The following NR5A2 variants were observed in gnomAD, a reference collection of about 807,000 sequenced individuals.
NR5A2 encodes CYP7A promoter-binding factor.
A neutral mutation model predicts 62.7 loss-of-function variants in NR5A2; 26 were observed. That is an observed-to-expected ratio of 0.41 (90% confidence interval 0.30 to 0.58). The LOEUF (loss-of-function observed/expected upper bound fraction) is 0.58, where lower values mean the gene tolerates loss of function less well. NR5A2 is among the 20% of genes least tolerant of loss of function. NR5A2 has a pLI of 0.22. For synonymous variants in NR5A2, 246 were observed against 241.7 expected, an observed-to-expected ratio of 1.02 and a Z score of -0.16; for missense variants, 541 against 669.1, an observed-to-expected ratio of 0.81 and a Z score of 2.11.
intron 5 of NR5A2, among the ~76,000 whole-genome samples, chr1:200,087,597 G>A (rs541736575): frequency 9.9e-5 from 15 of 151,362 alleles, no homozygotes; most frequent in Non-Finnish European, 1.6e-4. Flanking sequence ...GAGTTTCACC[G>A]TGTTAGCTAG....
chr1:200,100,961 G>C (rs1665338187), intron 5 of NR5A2, among the ~76,000 whole-genome samples: 1 of 152,056 alleles, frequency 6.6e-6, no homozygotes, highest in Admixed American at 6.6e-5. Flanking sequence ...CCTGATCCTT[G>C]GCTTTGACTT....
At position 200,057,805 on chromosome 1, in the gene NR5A2, T is replaced by A. The variant is rs576373777; in HGVS notation, c.1110+8987T>A. The stretch of plus-strand genomic sequence containing the variant: ...CGTAATTGTGCTTTTTTTTCCTTTT[T>A]TCTTTTTTTGAGATGGAGTTACACT... On this transcript the variant is annotated intron_variant, in intron 5 of 7. Coordinates refer to ENST00000367362, the MANE Select transcript of NR5A2 (RefSeq NM_205860.3). 4.9e-4 allele frequency: 88 copies of A among 179,234 alleles called. 1 individual carries two copies. Among genetic ancestry groups the A allele is most frequent in the Non-Finnish European group, 4.0e-4 (34 of 84,438 alleles). 11.1% of individuals were successfully genotyped at this position (179,234 alleles called of 1,614,324 possible).
At chr1:200,044,103 C>T (rs553343291) in intron 3 of NR5A2, 18 of 419,368 alleles carry the variant, frequency 4.3e-5, no homozygotes, top group African/African-American at 2.4e-4. Flanking sequence ...GAAAACTTTG[C>T]CAGTCTCATG....
At chr1:200,094,161 G>A (rs1270014267) in intron 5 of NR5A2, among the ~76,000 whole-genome samples, 3 of 149,196 alleles carry the variant, frequency 2.0e-5, no homozygotes, top group African/African-American at 7.4e-5. Context: ...AGAGTGAGAC[G>A]CTGTCTCAAA....
chr1:200,073,796 G>A (rs111708146), intron 5 of NR5A2, among the ~76,000 whole-genome samples: 1 of 152,060 alleles, frequency 6.6e-6, no homozygotes, highest in Admixed American at 6.6e-5. Context: ...AATATGCCAG[G>A]CACATTGCTA....
In NR5A2 at chr1:200,118,226, A is replaced by G. The variant is rs79342259; in HGVS notation, c.1231-2582A>G. The stretch of plus-strand genomic sequence containing the variant: ...CAGATGGGGTTTCACCATGTTGGCC[A>G]GGCTGGTCTTGAAGTCCCGACCTCA... On this transcript the variant is annotated intron_variant, in intron 6 of 7. Transcript: ENST00000367362. 0.02 allele frequency among the ~76,000 whole-genome samples: 3,016 copies of G among 151,766 alleles called. 179 individuals are homozygous for G. In the East Asian group the frequency reaches 0.24, roughly 12 times the overall value.
chr1:200,074,119 T>C (rs1442967423), intron 5 of NR5A2, among the ~76,000 whole-genome samples: 2 of 152,104 alleles, frequency 1.3e-5, no homozygotes, highest in Non-Finnish European at 2.9e-5. Context: ...AAAAGTATGC[T>C]AAAAAGCATA....
chr1:200,133,550 C>CACACATAT (rs1667071657), intron 7 of NR5A2, among the ~76,000 whole-genome samples: 1 of 45,728 alleles, frequency 2.2e-5, no homozygotes, highest in South Asian at 6.9e-4. Flanking sequence ...TATATATACA[C>CACACATAT]ATATATACAC....
At chr1:200,130,324 A>AAGAAGAAG (rs1558157085) in intron 7 of NR5A2, among the ~76,000 whole-genome samples, 1 of 145,014 alleles carries the variant, frequency 6.9e-6, no homozygotes, top group Non-Finnish European at 1.5e-5. Flanking sequence ...AGAAGAAGAA[A>AAGAAGAAG]AAAAAAATCC....
At chr1:200,052,854 A>G (rs562717875) in intron 5 of NR5A2, among the ~76,000 whole-genome samples, 5 of 152,176 alleles carry the variant, frequency 3.3e-5, no homozygotes, top group South Asian at 4.1e-4. Context: ...GTTAGCCAGG[A>G]TGGTCTTGAT....
chr1:200,149,763 CT>C (rs1347613719), intron 7 of NR5A2, among the ~76,000 whole-genome samples: 1 of 152,186 alleles, frequency 6.6e-6, no homozygotes, highest in African/African-American at 2.4e-5. Context: ...TCCTGCATTG[CT>C]TTTATATCCC....
chr1:200,129,265 C>T (rs542179664), intron 7 of NR5A2, among the ~76,000 whole-genome samples: 53 of 77,614 alleles, frequency 6.8e-4, no homozygotes, highest in Non-Finnish European at 1.4e-3. Flanking sequence ...CACATACATA[C>T]ACACACACAC....
intron 5 of NR5A2, among the ~76,000 whole-genome samples, chr1:200,096,397 T>C (rs1362352665): frequency 1.3e-5 from 2 of 152,180 alleles, no homozygotes; most frequent in Non-Finnish European, 2.9e-5. Context: ...CTGTGCTGCC[T>C]TCCTGACACT....
chr1:200,158,692 A>G (rs1653495218), intron 7 of NR5A2, among the ~76,000 whole-genome samples: 1 of 152,082 alleles, frequency 6.6e-6, no homozygotes, highest in Non-Finnish European at 1.5e-5. Flanking sequence ...ACAGAAAGGC[A>G]TTCTTTAAAC....
intron 5 of NR5A2, among the ~76,000 whole-genome samples, chr1:200,076,676 A>G (rs1030514590): frequency 6.6e-6 from 1 of 152,188 alleles, no homozygotes; most frequent in African/African-American, 2.4e-5. Context: ...TTTCAGATTT[A>G]GTGTTTTAAC....
At chr1:200,065,571 T>G (rs1295169662) in intron 5 of NR5A2, among the ~76,000 whole-genome samples, 1 of 152,222 alleles carries the variant, frequency 6.6e-6, no homozygotes, top group Non-Finnish European at 1.5e-5. Context: ...GTGCCTAAAG[T>G]GATTCCACAC....
chr1:200,074,736 C>CAAAAAAA (rs199556915), intron 5 of NR5A2, among the ~76,000 whole-genome samples: 7,048 of 66,746 alleles, frequency 0.11, 698 homozygotes, highest in East Asian at 0.14. Context: ...GAGTCCATCT[C>CAAAAAAA]AAAAAAAAAA....
chr1:200,100,116 T>C (rs1049509070), intron 5 of NR5A2, among the ~76,000 whole-genome samples: 4 of 152,202 alleles, frequency 2.6e-5, no homozygotes, highest in Admixed American at 2.0e-4. Flanking sequence ...GTGAGAACAT[T>C]GCTTTAATTA....
At chr1:200,050,915 T>A (rs1662598932) in intron 5 of NR5A2, among the ~76,000 whole-genome samples, 1 of 152,000 alleles carries the variant, frequency 6.6e-6, no homozygotes, top group Admixed American at 6.6e-5. Context: ...ATAAATAAAT[T>A]GATGTTATCA....
Sources: gnomAD v4.1 joint callset for allele counts (sites outside exome capture counted in the v4.1 genomes callset) on GRCh38, gnomAD v4.1.1 for gene constraint, MANE v1.5 for transcripts, NCBI Gene and HGNC (gene_info 2026-07-23, HGNC 2026-07-21) for gene names.